PIK3R6: variants seen among roughly 807,000 people sequenced by gnomAD.
PIK3R6 encodes the protein phosphoinositide 3-kinase regulatory subunit 6.
In PIK3R6, 91 loss-of-function variants were observed where a neutral mutation model predicts 84.9. The observed-to-expected ratio is 1.07, with a 90% CI of 0.90 to 1.28. The LOEUF is 1.28. Among genes scored for constraint, PIK3R6 ranks in the 50% most tolerant of loss-of-function variants. The probability of loss-of-function intolerance (pLI) is 0.00; values close to 1 mark genes in which losing one functional copy is unlikely to be tolerated. For missense variants in PIK3R6, 996 were observed against 985.1 expected (o/e 1.01, Z -0.15); for synonymous variants, 416 against 411.4 (o/e 1.01, Z -0.13).
chr17:8,827,763 G>GGAGAGA (rs199969342), intron 12 of PIK3R6, among the ~76,000 whole-genome samples: 767 of 34,636 alleles, frequency 0.022, 28 homozygotes, highest in African/African-American at 0.027. Flanking sequence ...GAGAGAGAGA[G>GGAGAGA]GAGAGAGAGA....
At chr17:8,865,904 G>T (rs1025254694) in intron 1 of PIK3R6, among the ~76,000 whole-genome samples, 2 of 152,110 alleles carry the variant, frequency 1.3e-5, no homozygotes, top group African/African-American at 4.8e-5. Context: ...TGTTCCCAGG[G>T]GCAGGGAAGC....
chr17:8,819,955 ATTT>A (rs71361825), intron 17 of PIK3R6, among the ~76,000 whole-genome samples: 4,682 of 135,648 alleles, frequency 0.035, 149 homozygotes, highest in African/African-American at 0.082. Context: ...ATATATATAT[ATTT>A]TTTTTTTGAG....
Position 8,829,188 on chromosome 17 carries a change from G to T in PIK3R6, c.890-198C>A, listed in dbSNP as rs539137450. Among the ~76,000 whole-genome samples the T allele has an allele frequency of 8.5e-3, 1,013 of 119,538 alleles. 8 individuals are homozygous for T. The highest frequency in any genetic ancestry group is 0.032 in the African/African-American group (933 of 29,562). 78.4% of individuals were successfully genotyped at this position (119,538 alleles called of 152,430 possible). On this transcript the variant is annotated intron_variant, in intron 10 of 19. Coordinates refer to ENST00000619866, the MANE Select transcript of PIK3R6 (RefSeq NM_001010855.4). ...ACATACACATGTACAGACACAGACAGACATACACACACGTGCACACACACA... is the reference window on the plus strand; with the variant it reads ...ACATACACATGTACAGACACAGACATACATACACACACGTGCACACACACA...
At chr17:8,830,342 TTC>T (rs1415360849) in intron 9 of PIK3R6, among the ~76,000 whole-genome samples, 1 of 152,244 alleles carries the variant, frequency 6.6e-6, no homozygotes, top group Non-Finnish European at 1.5e-5. Context: ...TTCTTCCTGC[TTC>T]TCTTTCTAGA....
At chr17:8,812,214 C>T (rs1291308370) in intron 18 of PIK3R6, among the ~76,000 whole-genome samples, 1 of 152,194 alleles carries the variant, frequency 6.6e-6, no homozygotes, top group Non-Finnish European at 1.5e-5. Context: ...CAATTACCTC[C>T]AACTGGGTCC....
In PIK3R6 at chr17:8,835,745, C is replaced by T. The variant is rs73973232; in HGVS notation, c.462-289G>A. On this transcript the variant is annotated intron_variant, in intron 7 of 19. Coordinates refer to ENST00000619866, the MANE Select transcript of PIK3R6 (RefSeq NM_001010855.4). ...GAAAGTTCCAGCCTCAATCCTGCTC[C>T]CTCTCTCAGCATCCTGGCCCAGGGA... 9.2e-3 allele frequency among the ~76,000 whole-genome samples: 1,393 copies of T among 152,240 alleles called. 23 individuals carry two copies. Among genetic ancestry groups the T allele is most frequent in the African/African-American group, 0.032 (1,319 of 41,552 alleles).
At chr17:8,823,296 T>G (rs1168063085) in intron 14 of PIK3R6, 91 bp downstream of exon 14, 3 of 996,222 alleles carry the variant, frequency 3.0e-6, no homozygotes, top group Non-Finnish European at 4.6e-6. Flanking sequence ...GTGTTCATGA[T>G]TGGTGGCCTG....
At chr17:8,837,404 C>T (rs976952449) in intron 5 of PIK3R6, among the ~76,000 whole-genome samples, 6 of 152,164 alleles carry the variant, frequency 3.9e-5, no homozygotes, top group African/African-American at 1.4e-4. Flanking sequence ...TGACCCTGGA[C>T]TCTCCAGCAA....
chr17:8,824,425 G>A (rs868038319), intron 13 of PIK3R6, among the ~76,000 whole-genome samples: 12 of 152,240 alleles, frequency 7.9e-5, no homozygotes, highest in African/African-American at 2.9e-4. Context: ...CTAGAAGGAA[G>A]CTCAGAGTTG....
At chr17:8,805,479 C>T (rs548885623) in intron 18 of PIK3R6, among the ~76,000 whole-genome samples, 3 of 152,238 alleles carry the variant, frequency 2.0e-5, no homozygotes, top group South Asian at 2.1e-4. Flanking sequence ...CCTATCACCC[C>T]GCTATGCATA....
chr17:8,852,495 T>C (rs567616170), intron 1 of PIK3R6, among the ~76,000 whole-genome samples: 2 of 152,120 alleles, frequency 1.3e-5, no homozygotes, highest in Non-Finnish European at 2.9e-5. Context: ...ATCCCAGCAC[T>C]TGGGGAGGCC....
intron 13 of PIK3R6, among the ~76,000 whole-genome samples, chr17:8,825,664 G>A (rs891774395): frequency 1.3e-5 from 2 of 151,958 alleles, no homozygotes; most frequent in Non-Finnish European, 2.9e-5. Context: ...AAAATAAAAT[G>A]ACATACTTCA....
At chr17:8,828,536 C>A in intron 11 of PIK3R6, 31 bp downstream of exon 11, 1 of 1,603,586 alleles carries the variant, frequency 6.2e-7, no homozygotes, top group East Asian at 2.2e-5. Context: ...CTGACCAGCG[C>A]CCACCCCCAG....
rs1280540280 is a variant in PIK3R6, at chr17:8,839,102, C to A, written c.98-447G>T. 2.6e-5 allele frequency among the ~76,000 whole-genome samples: 4 copies of A among 152,170 alleles called. No individual in the cohort carries two copies. The highest frequency in any genetic ancestry group is 5.9e-5 in the Non-Finnish European group (4 of 68,026). ...GTGGCTCATGCCTGCAATCCCAGCA[C>A]TTTGGGAGGCTGAGACAGGCGGGTC... On this transcript the variant is annotated intron_variant, in intron 3 of 19. Coordinates refer to ENST00000619866, the MANE Select transcript of PIK3R6 (RefSeq NM_001010855.4). This position sits in a 1 kb window ranked among gnomAD's most constrained non-coding sequence, Gnocchi z 4.2.
intron 1 of PIK3R6, 46 bp from the exon 2 acceptor site, chr17:8,849,931 CAGAAA>C: frequency 2.6e-6 from 3 of 1,171,082 alleles, no homozygotes; most frequent in African/African-American, 1.5e-5. Context: ...TGGGAAGGTG[CAGAAA>C]GCACCTTGGG....
intron 2 of PIK3R6, among the ~76,000 whole-genome samples, chr17:8,841,728 C>T (rs1282699986): frequency 1.3e-5 from 2 of 151,284 alleles, no homozygotes; most frequent in African/African-American, 4.9e-5. Context: ...GAAAGTGGTA[C>T]AAGAATAAGC....
chr17:8,829,576 AGACACACTGACACACACT>A, intron 10 of PIK3R6, 112 bp downstream of exon 10: 4 of 974,948 alleles, frequency 4.1e-6, no homozygotes, highest in Non-Finnish European at 4.6e-6. Context: ...ATACACACAC[AGACACACTGACACACACT>A]CATGCATACA....
chr17:8,804,292 G>C, intron 18 of PIK3R6, 139 bp from the exon 19 acceptor site: 2 of 692,156 alleles, frequency 2.9e-6, no homozygotes, highest in Admixed American at 4.3e-5. Flanking sequence ...AGTGACTGAG[G>C]AGTGACAACC....
chr17:8,828,385 A>T (rs906707290), intron 11 of PIK3R6, among the ~76,000 whole-genome samples, 182 bp downstream of exon 11: 3 of 151,214 alleles, frequency 2.0e-5, no homozygotes, highest in Non-Finnish European at 4.4e-5. Flanking sequence ...GCTAACGAAC[A>T]CAAAGCAGGG....
Sources: gnomAD v4.1 joint callset for allele counts (sites outside exome capture counted in the v4.1 genomes callset) on GRCh38, gnomAD v4.1.1 for gene constraint, Gnocchi (gnomAD v3.1) non-coding constraint, MANE v1.5 for transcripts, NCBI Gene and HGNC (gene_info 2026-07-23, HGNC 2026-07-21) for gene names.